The following IRF2 variants were observed in gnomAD, a reference collection of about 807,000 sequenced individuals.
IRF2 encodes the protein interferon regulatory factor 2.
A neutral mutation model predicts 40.6 loss-of-function variants in IRF2; 15 were observed. That is an observed-to-expected ratio of 0.37 (90% CI 0.25 to 0.57). The LOEUF (loss-of-function observed/expected upper bound fraction) is 0.57, where lower values mean the gene tolerates loss of function less well. IRF2 is among the 20% of genes least tolerant of loss of function. The probability of loss-of-function intolerance (pLI) is 0.77; values close to 1 mark genes in which losing one functional copy is unlikely to be tolerated. For missense variants in IRF2, 317 were observed against 455.7 expected, an observed-to-expected ratio of 0.70 and a Z score of 2.77; for synonymous variants, 151 against 165.5, an observed-to-expected ratio of 0.91 and a Z score of 0.67.
At chr4:184,419,622 C>T (rs2149900675) in intron 2 of IRF2, 54 bp from the exon 3 acceptor site, 1 of 1,278,890 alleles carries the variant, frequency 7.8e-7, no homozygotes, top group Non-Finnish European at 1.1e-6. Context: ...GGTTTTGGCC[C>T]ACCATTGCAA....
intron 2 of IRF2, among the ~76,000 whole-genome samples, chr4:184,425,232 C>A (rs769302355): frequency 3.9e-5 from 6 of 152,202 alleles, no homozygotes; most frequent in Non-Finnish European, 8.8e-5. Context: ...ACAAGGATTC[C>A]CAGGCAGAAT....
At chr4:184,418,862 G>C (rs1485169282) in intron 3 of IRF2, among the ~76,000 whole-genome samples, 154 bp from the exon 4 acceptor site, 7 of 151,974 alleles carry the variant, frequency 4.6e-5, no homozygotes, top group Non-Finnish European at 8.8e-5. Context: ...GTGTACCTGG[G>C]GGTGAGAAAG....
At position 184,419,571 on chromosome 4, in the gene IRF2, G is replaced by GAAAAAA. The variant is rs70959195; in HGVS notation, c.88-9_88-4dup. 229 of 912,546 alleles carry GAAAAAA rather than the reference G, an allele frequency of 2.5e-4. 1 individual carries two copies. The highest frequency in any genetic ancestry group is 7.3e-4 in the Admixed American group (27 of 36,818). 56.5% of individuals were successfully genotyped at this position (912,546 alleles called of 1,614,324 possible). ...GGGATCTGAAAAATCTTCTTTTCCT[G>GAAAAAA]AAAAAAAAAAAAAAAAAAAAGGTAA... On this transcript the variant is annotated splice_polypyrimidine_tract_variant and splice_region_variant and intron_variant, in intron 2 of 8. Transcript: ENST00000393593.
chr4:184,395,113 T>C (rs569611323), intron 7 of IRF2, among the ~76,000 whole-genome samples: 7 of 152,124 alleles, frequency 4.6e-5, no homozygotes, highest in South Asian at 4.2e-4. Flanking sequence ...AACAGATGAA[T>C]AAAGGTGGTC....
chr4:184,389,055 G>C lies in IRF2; in HGVS notation c.753C>G (p.His251Gln). 2 of 1,614,168 alleles carry C rather than the reference G, an allele frequency of 1.2e-6. No individual in the cohort carries two copies. Among genetic ancestry groups the C allele is most frequent in the Non-Finnish European group, 1.7e-6 (2 of 1,179,990 alleles). The change falls in exon 9 of 9, where the codon CAC becomes CAG. Residue 251 changes from histidine to glutamine, a missense_variant. By Grantham distance (24) the His-to-Gln change is conservative (BLOSUM62 0). This residue lies in a region of IRF2 where 262 missense variants were observed against 334.0 expected (regional missense o/e 0.78). Coordinates refer to ENST00000393593, the MANE Select transcript of IRF2 (RefSeq NM_002199.4). ...SDEESAEGRP[H>Q]WRKRNIEGKQ... is the part of the protein sequence containing the mutation. ...TGCCTTCAATATTCCTCTTCCGCCA[G>C]TGTGGCCGCCCCTTTCAAGAAAGTA...
At chr4:184,473,076 G>A (rs1739574745) in intron 1 of IRF2, among the ~76,000 whole-genome samples, 1 of 151,888 alleles carries the variant, frequency 6.6e-6, no homozygotes, top group East Asian at 1.9e-4. Flanking sequence ...GAGCAGGCGG[G>A]CGCCGCGATT....
chr4:184,437,035 C>G (rs1473552390), intron 1 of IRF2, among the ~76,000 whole-genome samples: 7 of 152,058 alleles, frequency 4.6e-5, no homozygotes, highest in African/African-American at 1.7e-4. Flanking sequence ...ACAGGTGCAT[C>G]CACTACACCC....
chr4:184,466,775 T>A (rs1283571795), intron 1 of IRF2, among the ~76,000 whole-genome samples: 1 of 152,192 alleles, frequency 6.6e-6, no homozygotes, highest in Non-Finnish European at 1.5e-5. Flanking sequence ...CAGAGTGTAC[T>A]TACACAAACC....
At chr4:184,461,134 G>A (rs1026950920) in intron 1 of IRF2, among the ~76,000 whole-genome samples, 24 of 152,186 alleles carry the variant, frequency 1.6e-4, no homozygotes, top group African/African-American at 5.8e-4. Flanking sequence ...CACAAGGGAA[G>A]GGTAAGTAGA....
At chr4:184,407,798 G>T (rs963417321) in intron 6 of IRF2, among the ~76,000 whole-genome samples, 1 of 152,170 alleles carries the variant, frequency 6.6e-6, no homozygotes, top group African/African-American at 2.4e-5. Context: ...TTGCTGAGAG[G>T]ACTCGCGAGG....
chr4:184,428,740 A>T lies in IRF2; in HGVS notation c.87+238T>A, dbSNP rs560675195. On this transcript the variant is annotated intron_variant, in intron 2 of 8. Coordinates refer to ENST00000393593, the MANE Select transcript of IRF2 (RefSeq NM_002199.4). ...CTTGAACCCAAGAGGTCGAGGCTGC[A>T]GTGAGTTATGACTGCACCACTGCAC... 9 of 561,068 alleles carry T rather than the reference A, an allele frequency of 1.6e-5. No individual in the cohort carries two copies. In the African/African-American group the frequency reaches 1.7e-4, roughly 10 times the overall value. The allele number at this position is 561,068 out of a possible 1,614,324, so 34.8% of individuals were successfully genotyped here.
chr4:184,416,098 G>C (rs1041723672), intron 5 of IRF2, among the ~76,000 whole-genome samples: 4 of 152,112 alleles, frequency 2.6e-5, no homozygotes, highest in African/African-American at 4.8e-5. Context: ...ATTACTTGAG[G>C]CCAGGAGTTT....
At position 184,414,719 on chromosome 4, in the gene IRF2, A is replaced by C. The variant is rs573100438; in HGVS notation, c.411+3448T>G. 1.1e-4 allele frequency among the ~76,000 whole-genome samples: 16 copies of C among 152,366 alleles called. No homozygotes were observed. In the East Asian group the frequency reaches 1.2e-3, roughly 11 times the overall value. Reference sequence around the variant, plus strand: ...ATTTGTTGGGGGACATATAGCATGGAGATAAATCATGAGTGACCCCAAGAA... The same window carrying C: ...ATTTGTTGGGGGACATATAGCATGGCGATAAATCATGAGTGACCCCAAGAA... On this transcript the variant is annotated intron_variant, in intron 5 of 8. Coordinates refer to ENST00000393593, the MANE Select transcript of IRF2 (RefSeq NM_002199.4).
chr4:184,432,217 C>G (rs1372112829), intron 1 of IRF2, among the ~76,000 whole-genome samples: 1 of 152,218 alleles, frequency 6.6e-6, no homozygotes, highest in Admixed American at 6.5e-5. Flanking sequence ...ACCCCCAAAT[C>G]AATACTCAGA....
chr4:184,438,332 G>C (rs1329699715), intron 1 of IRF2, among the ~76,000 whole-genome samples: 1 of 152,190 alleles, frequency 6.6e-6, no homozygotes, highest in Non-Finnish European at 1.5e-5. Flanking sequence ...CAACCCACCA[G>C]AGGGTCGTGG....
At chr4:184,402,532 T>C (rs929951666) in intron 6 of IRF2, among the ~76,000 whole-genome samples, 4 of 152,136 alleles carry the variant, frequency 2.6e-5, no homozygotes, top group African/African-American at 9.7e-5. Flanking sequence ...AAGTATGAAC[T>C]TTTTGTGTCC....
intron 2 of IRF2, among the ~76,000 whole-genome samples, chr4:184,423,042 T>G (rs1338972618): frequency 6.6e-6 from 1 of 152,252 alleles, no homozygotes; most frequent in Non-Finnish European, 1.5e-5. Context: ...GATTCTTTTT[T>G]TGAAGAAGAC....
chr4:184,393,484 G>A (rs890750068), intron 7 of IRF2, among the ~76,000 whole-genome samples: 1 of 152,188 alleles, frequency 6.6e-6, no homozygotes, highest in Non-Finnish European at 1.5e-5. Flanking sequence ...CACAGCCCCA[G>A]TCGCAGGTGC....
intron 5 of IRF2, among the ~76,000 whole-genome samples, chr4:184,412,029 A>C (rs1180745001): frequency 7.2e-6 from 1 of 138,120 alleles, no homozygotes; most frequent in Non-Finnish European, 1.6e-5. Context: ...AAAAAAAAAA[A>C]GACTCTGCTT....
Sources: allele counts gnomAD v4.1 joint callset (sites outside exome capture counted in the v4.1 genomes callset), GRCh38; gene constraint gnomAD v4.1.1; regional missense constraint gnomAD v4.1.1; transcripts MANE v1.5; gene names NCBI Gene and HGNC (gene_info 2026-07-23, HGNC 2026-07-21).